The following GALNTL6 variants were observed in gnomAD, a reference collection of about 807,000 sequenced individuals.
GALNTL6 encodes the protein polypeptide N-acetylgalactosaminyltransferase-like 6.
GALNTL6 carries 46 observed loss-of-function variants against 73.7 expected under a neutral mutation model. The ratio of observed to expected loss-of-function variants is 0.62; its 90% CI spans 0.49 to 0.80. The LOEUF (loss-of-function observed/expected upper bound fraction) is 0.80. GALNTL6 is among the 30% of genes least tolerant of loss of function. GALNTL6 has a pLI of 0.00. For synonymous variants in GALNTL6, 259 were observed against 263.7 expected (o/e 0.98, Z 0.17); for missense variants, 604 against 755.0 (o/e 0.80, Z 2.34).
At chr4:172,758,886 C>A (rs1371191225) in intron 5 of GALNTL6, among the ~76,000 whole-genome samples, 1 of 152,192 alleles carries the variant, frequency 6.6e-6, no homozygotes, top group East Asian at 1.9e-4. Flanking sequence ...CCACTGGGAT[C>A]TTGGAATGCA....
At chr4:172,718,598 G>A (rs12506430) in intron 5 of GALNTL6, among the ~76,000 whole-genome samples, 22,332 of 151,762 alleles carry the variant, frequency 0.15, 1,915 homozygotes, top group East Asian at 0.26. Context: ...TGATCATGCC[G>A]CTGCACTCTA....
At chr4:171,876,030 C>G (rs527969684) in intron 2 of GALNTL6, among the ~76,000 whole-genome samples, 1 of 152,062 alleles carries the variant, frequency 6.6e-6, no homozygotes, top group Non-Finnish European at 1.5e-5. Context: ...TAATATTACC[C>G]TACTTTTAAT....
At chr4:173,026,447 G>A (rs1346920974) in intron 12 of GALNTL6, among the ~76,000 whole-genome samples, 2 of 152,164 alleles carry the variant, frequency 1.3e-5, no homozygotes, top group East Asian at 3.9e-4. Flanking sequence ...CCATTCTTAA[G>A]GCCGGAGAAA....
At chr4:172,999,404 C>T (rs1319444222) in intron 10 of GALNTL6, among the ~76,000 whole-genome samples, 1 of 152,164 alleles carries the variant, frequency 6.6e-6, no homozygotes, top group Non-Finnish European at 1.5e-5. Context: ...GTCCTTCCAG[C>T]ACCCTCTATT....
At chr4:172,292,594 T>C (rs2111103033) in intron 3 of GALNTL6, among the ~76,000 whole-genome samples, 1 of 152,280 alleles carries the variant, frequency 6.6e-6, no homozygotes, top group South Asian at 2.1e-4. Context: ...ATCATGGTTG[T>C]TTATTTCCTT....
intron 7 of GALNTL6, among the ~76,000 whole-genome samples, chr4:172,867,901 C>T (rs933079619): frequency 6.6e-6 from 1 of 152,232 alleles, no homozygotes; most frequent in Non-Finnish European, 1.5e-5. Flanking sequence ...ACCTGAAACA[C>T]ACAGTTAAGT....
intron 2 of GALNTL6, among the ~76,000 whole-genome samples, chr4:171,833,321 G>A (rs1287123714): frequency 6.6e-6 from 1 of 151,512 alleles, no homozygotes; most frequent in Non-Finnish European, 1.5e-5. Context: ...ATCTGTGAAT[G>A]CATTCTTGGT....
chr4:172,410,860 C>T (rs1744407456), intron 5 of GALNTL6, among the ~76,000 whole-genome samples: 1 of 151,992 alleles, frequency 6.6e-6, no homozygotes, highest in Non-Finnish European at 1.5e-5. Context: ...CTCCTACCCC[C>T]TCATGTCAAC....
chr4:172,722,068 C>G (rs909498884), intron 5 of GALNTL6, among the ~76,000 whole-genome samples: 10 of 151,568 alleles, frequency 6.6e-5, no homozygotes, highest in African/African-American at 2.2e-4. Context: ...TGATGTGGCT[C>G]CTTTCTGTCA....
chr4:172,904,542 G>T (rs1746786453), intron 8 of GALNTL6, among the ~76,000 whole-genome samples: 1 of 152,178 alleles, frequency 6.6e-6, no homozygotes, highest in African/African-American at 2.4e-5. Context: ...GGGCTTACAG[G>T]TACCCAGGTT....
intron 10 of GALNTL6, among the ~76,000 whole-genome samples, chr4:172,997,982 C>T (rs1490970971): frequency 2.0e-5 from 3 of 152,166 alleles, no homozygotes; most frequent in Non-Finnish European, 2.9e-5. Context: ...AACCTAAGGG[C>T]CCTCTGATAA....
intron 3 of GALNTL6, among the ~76,000 whole-genome samples, chr4:172,281,929 T>A (rs916056540): frequency 6.6e-6 from 1 of 152,110 alleles, no homozygotes; most frequent in Non-Finnish European, 1.5e-5. Flanking sequence ...CTTTTTTTTT[T>A]AATGTAGCAT....
chr4:172,771,230 A>C (rs1738743737), intron 5 of GALNTL6, among the ~76,000 whole-genome samples: 1 of 152,212 alleles, frequency 6.6e-6, no homozygotes, highest in African/African-American at 2.4e-5. Flanking sequence ...ACCCAAGTGA[A>C]AAACTTGCCT....
At chr4:172,394,008 T>A (rs1033062945) in intron 5 of GALNTL6, among the ~76,000 whole-genome samples, 2 of 152,154 alleles carry the variant, frequency 1.3e-5, no homozygotes. Context: ...TAAAAAGTTG[T>A]TTTAAATTAA....
intron 3 of GALNTL6, 58 bp from the exon 4 acceptor site, chr4:172,311,556 C>T: frequency 1.4e-6 from 2 of 1,476,620 alleles, no homozygotes. Flanking sequence ...CCTATCTGTT[C>T]TAGAAGATAA....
chr4:172,853,579 A>G, intron 7 of GALNTL6, among the ~76,000 whole-genome samples: 1 of 152,154 alleles, frequency 6.6e-6, no homozygotes, highest in East Asian at 1.9e-4. Flanking sequence ...AGCTCTCAGG[A>G]TAGCACCTCA....
intron 8 of GALNTL6, among the ~76,000 whole-genome samples, chr4:172,919,915 C>T (rs559911507): frequency 5.9e-5 from 9 of 152,282 alleles, no homozygotes; most frequent in African/African-American, 2.2e-4. Context: ...TCCCCGCCCC[C>T]AAATCGCTGT....
chr4:172,929,664 A>T (rs1385555120), intron 8 of GALNTL6, among the ~76,000 whole-genome samples: 1 of 152,176 alleles, frequency 6.6e-6, no homozygotes, highest in Non-Finnish European at 1.5e-5. Flanking sequence ...CTCAAAGTCC[A>T]CTGATTTCAA....
chr4:171,942,064 G>A (rs373798256), intron 2 of GALNTL6, among the ~76,000 whole-genome samples: 2 of 151,822 alleles, frequency 1.3e-5, no homozygotes, highest in South Asian at 2.1e-4. Context: ...TTATGCTATA[G>A]CGATTTTAAC....
Sources: allele counts gnomAD v4.1 joint callset (sites outside exome capture counted in the v4.1 genomes callset), GRCh38; gene constraint gnomAD v4.1.1; transcripts MANE v1.5; gene names NCBI Gene and HGNC (gene_info 2026-07-23, HGNC 2026-07-21).